The following RAF1 variants were observed in gnomAD, a reference collection of about 807,000 sequenced individuals.
RAF1 encodes the protein RAF proto-oncogene serine/threonine-protein kinase.
In RAF1, 27 loss-of-function variants were observed where a neutral mutation model predicts 81.1. The ratio of observed to expected loss-of-function variants is 0.33; its 90% CI spans 0.25 to 0.46. The LOEUF (loss-of-function observed/expected upper bound fraction) is 0.46, where lower values mean the gene tolerates loss of function less well. Among genes scored for constraint, RAF1 ranks in the 20% least tolerant of loss-of-function variants. The pLI is 1.00. For missense variants in RAF1, 598 were observed against 826.0 expected, an observed-to-expected ratio of 0.72 and a Z score of 3.38; for synonymous variants, 298 against 294.0, an observed-to-expected ratio of 1.01 and a Z score of -0.14.
intron 1 of RAF1, among the ~76,000 whole-genome samples, chr3:12,636,103 T>C (rs977358333): frequency 6.6e-6 from 1 of 151,494 alleles, no homozygotes; most frequent in African/African-American, 2.4e-5. Flanking sequence ...CTGGCCAGTG[T>C]GGTGAAACCC....
chr3:12,626,905 T>G (rs887101625), intron 1 of RAF1, among the ~76,000 whole-genome samples: 3 of 150,848 alleles, frequency 2.0e-5, no homozygotes, highest in African/African-American at 7.3e-5. Flanking sequence ...ACGCCTGTAG[T>G]CCCAGCTACT....
chr3:12,585,159 C>T lies in RAF1; in HGVS notation c.1691G>A (p.Gly564Glu), dbSNP rs2125321966. The T allele has an allele frequency of 6.2e-7, 1 of 1,614,160 alleles. No individual in the cohort carries two copies. Among genetic ancestry groups the T allele is most frequent in the Non-Finnish European group, 8.5e-7 (1 of 1,180,028 alleles). ...GTTGATGTGAGAATAAGGAAGCTCC[C>T]CCGTCATCAGTTCATACAATACGAT... The change falls in exon 16 of 18, where the codon GGG becomes GAG. Residue 564 changes from glycine (G) to glutamate (E), a missense_variant. Physicochemically the swap from Gly to Glu is moderately conservative, Grantham distance 98 (BLOSUM62 -2). Around this residue, in one of 5 missense-constraint regions of RAF1, gnomAD observed 147 missense variants for 196.1 expected, o/e 0.75. Transcript: ENST00000442415.
intron 1 of RAF1, among the ~76,000 whole-genome samples, chr3:12,633,936 A>G (rs971471593): frequency 3.3e-5 from 3 of 91,402 alleles, no homozygotes; most frequent in Non-Finnish European, 7.0e-5. Flanking sequence ...AACTCTCTCA[A>G]AAAAAAAAAA....
intron 6 of RAF1, among the ~76,000 whole-genome samples, chr3:12,604,525 G>C (rs1431902109): frequency 6.6e-6 from 1 of 152,156 alleles, no homozygotes; most frequent in Non-Finnish European, 1.5e-5. Flanking sequence ...TCAATGAAAA[G>C]GAGAGTGCAT....
At chr3:12,612,644 C>T (rs1211500678) in intron 2 of RAF1, among the ~76,000 whole-genome samples, 14 of 129,710 alleles carry the variant, frequency 1.1e-4, no homozygotes, top group East Asian at 2.1e-4. Context: ...AACGAGACTC[C>T]GTCTCAAAAA....
At chr3:12,610,329 C>T (rs911817461) in intron 3 of RAF1, among the ~76,000 whole-genome samples, 11 of 152,202 alleles carry the variant, frequency 7.2e-5, no homozygotes, top group Admixed American at 5.9e-4. Context: ...ATTACCTATA[C>T]AGCACCTGGA....
intron 1 of RAF1, among the ~76,000 whole-genome samples, chr3:12,625,616 T>C (rs2059680238): frequency 6.6e-6 from 1 of 152,130 alleles, no homozygotes; most frequent in African/African-American, 2.4e-5. Flanking sequence ...TTGGAACAAT[T>C]TAAGGCAGGA....
chr3:12,600,712 C>T (rs1230128800), intron 8 of RAF1, among the ~76,000 whole-genome samples: 4 of 152,182 alleles, frequency 2.6e-5, no homozygotes, highest in African/African-American at 9.7e-5. Context: ...CAGGTGTGCA[C>T]CAGCACGCCC....
intron 14 of RAF1, chr3:12,587,165 C>A (rs2058356558): frequency 1.1e-5 from 2 of 182,356 alleles, no homozygotes; most frequent in African/African-American, 2.4e-5. Flanking sequence ...TTTTGGAAAC[C>A]TTTCAACATT....
chr3:12,603,995 T>A (rs1321377963), intron 7 of RAF1, 141 bp downstream of exon 7: 1 of 916,266 alleles, frequency 1.1e-6, no homozygotes, highest in African/African-American at 1.6e-5. Flanking sequence ...ATTATGGATA[T>A]AAAATAAACT....
chr3:12,619,658 A>T (rs2059493761), intron 1 of RAF1, among the ~76,000 whole-genome samples: 1 of 152,098 alleles, frequency 6.6e-6, no homozygotes, highest in African/African-American at 2.4e-5. Flanking sequence ...TCTTCTTCCT[A>T]AGCAACTACT....
chr3:12,631,732 G>A (rs971143814), intron 1 of RAF1, among the ~76,000 whole-genome samples: 13 of 152,172 alleles, frequency 8.5e-5, no homozygotes, highest in Admixed American at 6.6e-4. Context: ...AGATGAGAGA[G>A]GGTGGAAATT....
At chr3:12,598,755 C>CAAAAAAAAAAA (rs1559418330) in intron 11 of RAF1, among the ~76,000 whole-genome samples, 11 of 98,912 alleles carry the variant, frequency 1.1e-4, no homozygotes, top group Non-Finnish European at 1.9e-4. Context: ...AAAAAAAAAC[C>CAAAAAAAAAAA]ACCAAGTACT....
In RAF1 at chr3:12,606,258, G is replaced by A. The variant is rs376554439; in HGVS notation, c.623C>T (p.Ala208Val). ...ACGACGCATAGTCAAAGAAGGTAGT[G>A]CTGGGACTCCACTATCACCAATAGT... Residue 208 changes from alanine to valine, a missense_variant, in exon 6 of 18, where the codon GCA (alanine) becomes GTA (valine). Ala to Val is a moderately conservative substitution (Grantham distance 64). Coordinates refer to ENST00000442415, the MANE Select transcript of RAF1 (RefSeq NM_001354689.3). The A allele has an allele frequency of 6.2e-7, 1 of 1,613,870 alleles. No homozygotes were observed. The highest frequency in any genetic ancestry group is 1.3e-5 in the African/African-American group (1 of 74,932).
At chr3:12,663,557 G>A (rs2060950975) in intron 1 of RAF1, among the ~76,000 whole-genome samples, 1 of 152,252 alleles carries the variant, frequency 6.6e-6, no homozygotes, top group African/African-American at 2.4e-5. Context: ...TGGCATAAGG[G>A]TGGCGTTGGC....
chr3:12,617,060 G>A (rs1036528378), intron 2 of RAF1, among the ~76,000 whole-genome samples: 1 of 151,546 alleles, frequency 6.6e-6, no homozygotes, highest in Non-Finnish European at 1.5e-5. Context: ...TCAGCCTCCC[G>A]AGTACCGAGT....
intron 13 of RAF1, chr3:12,588,193 T>C (rs1282290693): frequency 6.6e-6 from 1 of 152,282 alleles, no homozygotes; most frequent in African/African-American, 2.4e-5. Flanking sequence ...TAATGTGGCA[T>C]ATCCATACAA....
rs992724769 is a variant in RAF1, at chr3:12,618,775, T to G, written c.-26-28A>C. The stretch of plus-strand genomic sequence containing the variant: ...GGTAAGAAACACAAATAATTGTAAC[T>G]CTAGAACAAAAGTATTCAACCCAAG... On this transcript the variant is annotated intron_variant, in intron 1 of 17. Transcript: ENST00000442415. 1.9e-6 allele frequency: 3 copies of G among 1,554,334 alleles called. No homozygotes were observed. The African/African-American group carries it at 4.1e-5, about 21-fold the overall frequency.
chr3:12,628,464 C>T (rs973734780), intron 1 of RAF1, among the ~76,000 whole-genome samples: 19 of 152,048 alleles, frequency 1.2e-4, no homozygotes, highest in Non-Finnish European at 2.2e-4. Context: ...GAATTCAATA[C>T]CAGCCTGGAC....
Sources: gnomAD v4.1 joint callset for allele counts (sites outside exome capture counted in the v4.1 genomes callset) on GRCh38, gnomAD v4.1.1 for gene constraint, gnomAD v4.1.1 regional missense constraint, MANE v1.5 for transcripts, NCBI Gene and HGNC (gene_info 2026-07-23, HGNC 2026-07-21) for gene names.